Variants in PCDH15 observed in about 807,000 individuals in gnomAD.
PCDH15 encodes protocadherin-15.
PCDH15 carries 129 observed loss-of-function variants against 178.5 expected under a neutral mutation model. That is an observed-to-expected ratio of 0.72 (90% CI 0.63 to 0.84). PCDH15 has a LOEUF of 0.84. Among genes scored for constraint, PCDH15 ranks in the 40% least tolerant of loss-of-function variants. The pLI, the probability that PCDH15 is intolerant of heterozygous loss-of-function variation, is 0.00. For missense variants in PCDH15, 2,230 were observed against 2,099.9 expected, an observed-to-expected ratio of 1.06 and a Z score of -1.21; for synonymous variants, 800 against 732.0, an observed-to-expected ratio of 1.09 and a Z score of -1.50.
At chr10:54,988,188 T>C (rs967621481) in intron 2 of PCDH15, among the ~76,000 whole-genome samples, 2 of 152,196 alleles carry the variant, frequency 1.3e-5, no homozygotes, top group African/African-American at 4.8e-5. Context: ...TATGATGTTA[T>C]TTCTGAGGTC....
chr10:55,297,886 G>A (rs1001141473), intron 1 of PCDH15, among the ~76,000 whole-genome samples: 6 of 152,002 alleles, frequency 3.9e-5, no homozygotes, highest in Non-Finnish European at 8.8e-5. Flanking sequence ...AGCAATCATA[G>A]ATATTTGCTC....
intron 2 of PCDH15, among the ~76,000 whole-genome samples, chr10:54,562,914 C>G (rs2133393843): frequency 6.6e-6 from 1 of 152,180 alleles, no homozygotes; most frequent in African/African-American, 2.4e-5. Context: ...TGAACTGTCT[C>G]TATGAATTTC....
At chr10:55,575,705 T>G (rs556164469) in intron 2 of PCDH15, 1 of 152,186 alleles carries the variant, frequency 6.6e-6, no homozygotes, top group Non-Finnish European at 1.5e-5. Flanking sequence ...GATGCTATTG[T>G]CATTTTCTGA....
chr10:54,723,025 A>C (rs1941898534), intron 1 of PCDH15, among the ~76,000 whole-genome samples: 1 of 151,644 alleles, frequency 6.6e-6, no homozygotes, highest in African/African-American at 2.4e-5. Context: ...GTTATTTCTT[A>C]CATAATTATA....
rs1340608679 is a variant in PCDH15 at position 54,153,027 on chromosome 10, C to T, written c.1784+73G>A. The T allele has an allele frequency of 5.3e-6, 8 of 1,509,510 alleles. No individual in the cohort carries two copies. The East Asian group carries it at 6.9e-5, about 13-fold the overall frequency. 93.5% of individuals were successfully genotyped at this position (1,509,510 alleles called of 1,614,324 possible). A position where few individuals can be genotyped will look rare whatever the true frequency, so the allele number is the denominator to read the frequency against. ...GTTTATAGGATAAAAGAATACTTGC[C>T]GCGCTTCTTAAATTTAATTACAGGG... is the stretch of plus-strand genomic sequence containing the variant. On this transcript the variant is annotated intron_variant, in intron 14 of 37. Coordinates refer to ENST00000644397, the MANE Select transcript of PCDH15 (RefSeq NM_001384140.1).
intron 2 of PCDH15, among the ~76,000 whole-genome samples, chr10:55,606,925 CA>C (rs2132153929): frequency 6.8e-6 from 1 of 148,004 alleles, no homozygotes; most frequent in South Asian, 2.2e-4. Context: ...AGAGCTTCTG[CA>C]CAGCAAAAGA....
intron 1 of PCDH15, among the ~76,000 whole-genome samples, chr10:54,794,066 T>C (rs1381761886): frequency 6.8e-6 from 1 of 147,964 alleles, no homozygotes; most frequent in Non-Finnish European, 1.5e-5. Flanking sequence ...AAGAAACTGC[T>C]TTGAGATATA....
intron 2 of PCDH15, among the ~76,000 whole-genome samples, chr10:55,584,523 G>A (rs1457684791): frequency 6.6e-6 from 1 of 151,708 alleles, no homozygotes; most frequent in African/African-American, 2.4e-5. Context: ...TAGGCGTGGT[G>A]GTGGGTGCCT....
intron 2 of PCDH15, among the ~76,000 whole-genome samples, chr10:55,550,353 A>G (rs1367041512): frequency 2.4e-4 from 36 of 152,154 alleles, no homozygotes; most frequent in Admixed American, 2.4e-3. Flanking sequence ...TCTCTTCATA[A>G]AATCAATCAT....
chr10:53,985,027 C>A (rs1479135089), intron 21 of PCDH15, among the ~76,000 whole-genome samples: 4 of 152,148 alleles, frequency 2.6e-5, no homozygotes, highest in East Asian at 3.9e-4. Context: ...GTTAGCCATG[C>A]GTCCCTGCAG....
intron 3 of PCDH15, among the ~76,000 whole-genome samples, chr10:54,504,043 G>A (rs1565444721): frequency 6.6e-6 from 1 of 151,966 alleles, no homozygotes; most frequent in African/African-American, 2.4e-5. Context: ...CTAACATCAC[G>A]TTTCTCTTGG....
At chr10:54,924,588 C>T (rs1188607841) in intron 2 of PCDH15, among the ~76,000 whole-genome samples, 1 of 151,584 alleles carries the variant, frequency 6.6e-6, no homozygotes, top group Non-Finnish European at 1.5e-5. Context: ...TTTTTCTCCA[C>T]AACCTCATTA....
At chr10:54,630,952 G>A (rs1435765401) in intron 2 of PCDH15, among the ~76,000 whole-genome samples, 9 of 152,128 alleles carry the variant, frequency 5.9e-5, no homozygotes, top group Non-Finnish European at 1.2e-4. Context: ...AAGCAAATAT[G>A]AGATACTGTC....
At chr10:55,405,043 C>A (rs1380895038) in intron 2 of PCDH15, among the ~76,000 whole-genome samples, 1 of 151,228 alleles carries the variant, frequency 6.6e-6, no homozygotes, top group Non-Finnish European at 1.5e-5. Context: ...TTGAACTTAG[C>A]ACACATGAAT....
chr10:55,230,443 T>C (rs1401311009), intron 1 of PCDH15, among the ~76,000 whole-genome samples: 1 of 152,100 alleles, frequency 6.6e-6, no homozygotes, highest in African/African-American at 2.4e-5. Context: ...CTCAGTGGAT[T>C]AAGCAATACA....
intron 18 of PCDH15, among the ~76,000 whole-genome samples, chr10:54,059,469 C>T (rs139951799): frequency 1.1e-4 from 16 of 152,266 alleles, no homozygotes; most frequent in African/African-American, 3.1e-4. Flanking sequence ...TTTCCTCTAA[C>T]ACATAATATT....
In PCDH15 at chr10:55,287,281, C is replaced by G. The variant is rs550728358; in HGVS notation, c.-156+32318G>C. On this transcript the variant is annotated intron_variant, in intron 1 of 5. Coordinates refer to the PCDH15 transcript ENST00000458638. ...TAAAATTTATGTGCAAATTTTACAA[C>G]GAGACTTTGTTATATTCACCTACAT... is the stretch of plus-strand genomic sequence containing the variant. Among the ~76,000 whole-genome samples the G allele has an allele frequency of 1.3e-5, 2 of 151,940 alleles. 1 individual carries two copies. The highest frequency in any genetic ancestry group is 2.9e-5 in the Non-Finnish European group (2 of 67,918).
At chr10:55,200,297 T>C (rs1393575539) in intron 1 of PCDH15, among the ~76,000 whole-genome samples, 1 of 152,124 alleles carries the variant, frequency 6.6e-6, no homozygotes, top group African/African-American at 2.4e-5. Context: ...TGAGATTATT[T>C]TGGAGCTTTA....
At chr10:53,954,791 AAAAT>A (rs1231491541) in intron 23 of PCDH15, among the ~76,000 whole-genome samples, 1 of 152,366 alleles carries the variant, frequency 6.6e-6, no homozygotes, top group African/African-American at 2.4e-5. Context: ...TTGAATTAAG[AAAAT>A]AAATATTCAT....
Sources: gnomAD v4.1 joint callset for allele counts (sites outside exome capture counted in the v4.1 genomes callset) on GRCh38, gnomAD v4.1.1 for gene constraint, MANE v1.5 for transcripts, NCBI Gene and HGNC (gene_info 2026-07-23, HGNC 2026-07-21) for gene names.